The following GNB4 variants were observed in gnomAD, a reference collection of about 807,000 sequenced individuals.
The protein encoded by GNB4 is guanine nucleotide-binding protein subunit beta-4.
A neutral mutation model predicts 45.2 loss-of-function variants in GNB4; 28 were observed. The observed-to-expected ratio is 0.62, with a 90% CI of 0.46 to 0.85. The LOEUF (loss-of-function observed/expected upper bound fraction) is 0.85. Ranked by LOEUF, GNB4 falls within the 40% of genes least tolerant of loss-of-function variation. The probability of loss-of-function intolerance (pLI) is 0.00; values close to 1 mark genes in which losing one functional copy is unlikely to be tolerated. For missense variants in GNB4, 321 were observed against 425.4 expected (o/e 0.75, Z 2.16); for synonymous variants, 132 against 143.7 (o/e 0.92, Z 0.58).
the GNB4 span, among the ~76,000 whole-genome samples, chr3:179,519,244 C>T: frequency 6.6e-6 from 1 of 152,354 alleles, no homozygotes; most frequent in Non-Finnish European, 1.5e-5. Context: ...GACTGTTCAA[C>T]TCACCCGGTA....
At chr3:179,459,062 C>T in the GNB4 span, among the ~76,000 whole-genome samples, 1 of 152,084 alleles carries the variant, frequency 6.6e-6, no homozygotes, top group South Asian at 2.1e-4. Flanking sequence ...TTATTATTCC[C>T]GTTGTGCAAA....
the GNB4 span, among the ~76,000 whole-genome samples, chr3:179,474,737 C>CTTTTTTTTTTTTTTT: frequency 4.7e-3 from 283 of 59,734 alleles, 10 homozygotes; most frequent in African/African-American, 5.4e-3. Context: ...AGACTGGGTC[C>CTTTTTTTTTTTTTTT]TTTTTTTTTT....
the GNB4 span, among the ~76,000 whole-genome samples, chr3:179,494,034 T>C: frequency 2.6e-5 from 4 of 152,220 alleles, no homozygotes; most frequent in Non-Finnish European, 5.9e-5. Flanking sequence ...GACTTCATGC[T>C]ACTGTCTAGA....
the GNB4 span, among the ~76,000 whole-genome samples, chr3:179,508,938 A>G: frequency 7.9e-5 from 11 of 139,542 alleles, no homozygotes; most frequent in African/African-American, 2.6e-4. Context: ...ATGTGTATAT[A>G]TATATATATA....
the GNB4 span, among the ~76,000 whole-genome samples, chr3:179,482,988 C>T: frequency 6.6e-6 from 1 of 152,114 alleles, no homozygotes; most frequent in Non-Finnish European, 1.5e-5. Flanking sequence ...AGCAATAATC[C>T]ATTGCACCAG....
chr3:179,480,615 A>G, the GNB4 span, among the ~76,000 whole-genome samples: 1 of 151,868 alleles, frequency 6.6e-6, no homozygotes, highest in Non-Finnish European at 1.5e-5. Context: ...TCTACCAACT[A>G]CTTGATACTG....
chr3:179,525,902 G>A, the GNB4 span, among the ~76,000 whole-genome samples: 1 of 152,236 alleles, frequency 6.6e-6, no homozygotes, highest in Non-Finnish European at 1.5e-5. Flanking sequence ...GAGTGAGGGT[G>A]AGGACAGGGG....
At chr3:179,417,060 G>C (rs1262769003) in intron 4 of GNB4, among the ~76,000 whole-genome samples, 5 of 152,154 alleles carry the variant, frequency 3.3e-5, no homozygotes, top group Non-Finnish European at 7.3e-5. Flanking sequence ...AATCAAGTAA[G>C]TAAAAACTGT....
intron 1 of GNB4, among the ~76,000 whole-genome samples, chr3:179,434,930 A>G (rs1315723723): frequency 6.6e-6 from 1 of 152,090 alleles, no homozygotes; most frequent in Non-Finnish European, 1.5e-5. Context: ...ATAAATAAAT[A>G]AAATAAGCAA....
chr3:179,516,489 G>T, the GNB4 span, among the ~76,000 whole-genome samples: 1 of 152,174 alleles, frequency 6.6e-6, no homozygotes, highest in Non-Finnish European at 1.5e-5. Flanking sequence ...CTGGGTGGGG[G>T]CAAATCCCCA....
chr3:179,413,245 A>T (rs1398775846), intron 8 of GNB4, among the ~76,000 whole-genome samples, 167 bp downstream of exon 8: 1 of 152,204 alleles, frequency 6.6e-6, no homozygotes, highest in Non-Finnish European at 1.5e-5. Context: ...TATGAATTGA[A>T]GCTTTCTTTT....
chr3:179,527,165 G>C, the GNB4 span, among the ~76,000 whole-genome samples: 1 of 152,176 alleles, frequency 6.6e-6, no homozygotes, highest in Non-Finnish European at 1.5e-5. Context: ...GAGGGGAAGG[G>C]GGAGGGAAAG....
chr3:179,414,826 G>T, intron 6 of GNB4, 59 bp downstream of exon 6: 2 of 1,392,816 alleles, frequency 1.4e-6, no homozygotes, highest in South Asian at 1.7e-5. Flanking sequence ...ATTTGTCCTT[G>T]ATCAGCACAT....
chr3:179,449,287 CA>C lies in GNB4; in HGVS notation c.-43+2058del, dbSNP rs1433083126. ...ATCAATAGGATACACTGTGCCCTGG[CA>C]AAAGGGAGGTTTTGAACTTGGAACA... On this transcript the variant is annotated intron_variant, in intron 1 of 9. Coordinates refer to ENST00000232564, the MANE Select transcript of GNB4 (RefSeq NM_021629.4). Among the ~76,000 whole-genome samples the C allele has an allele frequency of 2.0e-5, 3 of 152,222 alleles. No homozygotes were observed. In the East Asian group the frequency reaches 5.8e-4, roughly 29 times the overall value.
the GNB4 span, among the ~76,000 whole-genome samples, chr3:179,525,879 G>A: frequency 1.3e-5 from 2 of 152,224 alleles, no homozygotes; most frequent in African/African-American, 4.8e-5. Flanking sequence ...GTTCACAGGT[G>A]GATCTCCTCA....
chr3:179,490,168 G>A, the GNB4 span, among the ~76,000 whole-genome samples: 56 of 152,322 alleles, frequency 3.7e-4, no homozygotes, highest in East Asian at 8.5e-3. Context: ...GATAGCAGAT[G>A]TACTGGAGAA....
Position 179,414,946 on chromosome 3 carries a change from T to C in GNB4, c.369A>G (p.Ile123Met). The C allele has an allele frequency of 6.2e-7, 1 of 1,611,948 alleles. No individual in the cohort carries two copies. Among genetic ancestry groups the C allele is most frequent in the South Asian group, 1.1e-5 (1 of 90,756 alleles). The change falls in exon 6 of 10, where the codon ATA becomes ATG. Residue 123 changes from isoleucine (I) to methionine (M), a missense_variant. Coordinates refer to ENST00000232564, the MANE Select transcript of GNB4 (RefSeq NM_021629.4). ...ACGGLDNICS[I>M]YNLKTREGNV... ...TTCCCTCTCTGGTCTTTAAGTTATA[T>C]ATAGAGCAGATGTTGTCCAAGCCTC... is the stretch of plus-strand genomic sequence containing the variant.
At chr3:179,521,850 T>C in the GNB4 span, among the ~76,000 whole-genome samples, 2 of 152,168 alleles carry the variant, frequency 1.3e-5, no homozygotes, top group African/African-American at 4.8e-5. Flanking sequence ...CCAATCATTC[T>C]ATATGACAAA....
chr3:179,456,193 C>A (rs752953241), upstream of GNB4, among the ~76,000 whole-genome samples: 8 of 150,870 alleles, frequency 5.3e-5, no homozygotes, highest in Non-Finnish European at 7.4e-5. Context: ...CTCATTGCAA[C>A]CTCAGGTGAT....
Sources: gnomAD v4.1 joint callset for allele counts (sites outside exome capture counted in the v4.1 genomes callset) on GRCh38, gnomAD v4.1.1 for gene constraint, MANE v1.5 for transcripts, NCBI Gene and HGNC (gene_info 2026-07-23, HGNC 2026-07-21) for gene names.